The following LARGE1 variants were observed in gnomAD, a reference collection of about 807,000 sequenced individuals.
The protein encoded by LARGE1 is xylosyl- and glucuronyltransferase LARGE1.
LARGE1 carries 43 observed loss-of-function variants against 87.6 expected under a neutral mutation model. That is an observed-to-expected ratio of 0.49 (90% confidence interval 0.38 to 0.63). The LOEUF (loss-of-function observed/expected upper bound fraction) is 0.63, where lower values mean the gene tolerates loss of function less well. Among genes scored for constraint, LARGE1 ranks in the 30% least tolerant of loss-of-function variants. The probability of loss-of-function intolerance (pLI) is 0.00; values close to 1 mark genes in which losing one functional copy is unlikely to be tolerated. For missense variants in LARGE1, 802 were observed against 1,000.2 expected, an observed-to-expected ratio of 0.80 and a Z score of 2.67; for synonymous variants, 434 against 394.6, an observed-to-expected ratio of 1.10 and a Z score of -1.18.
At chr22:33,653,089 T>C (rs555316599) in intron 2 of LARGE1, among the ~76,000 whole-genome samples, 4 of 152,286 alleles carry the variant, frequency 2.6e-5, no homozygotes, top group South Asian at 2.1e-4. Context: ...CTATTAATAA[T>C]TGCGTTTTCT....
chr22:33,831,398 T>C (rs1485959067), intron 1 of LARGE1, among the ~76,000 whole-genome samples: 1 of 152,142 alleles, frequency 6.6e-6, no homozygotes, highest in Non-Finnish European at 1.5e-5. Context: ...TCCAGAACAC[T>C]CTGAAGACAG....
At position 33,902,681 on chromosome 22, in the gene LARGE1, AG is replaced by A. The variant is rs1164922246; in HGVS notation, c.-83+17313del. Among the ~76,000 whole-genome samples the A allele has an allele frequency of 2.6e-5, 4 of 152,218 alleles. No individual in the cohort carries two copies. The East Asian group carries it at 7.7e-4, about 29-fold the overall frequency. On this transcript the variant is annotated intron_variant, in intron 1 of 14. Transcript: ENST00000397394. ...CTGTTACTAATTTGTGTTTCAAACA[AG>A]ATATGTACATGTTTTTCAAAATACA...
intron 1 of LARGE1, among the ~76,000 whole-genome samples, chr22:33,784,968 C>CATAT (rs1036283409): frequency 1.3e-5 from 2 of 150,284 alleles, no homozygotes; most frequent in African/African-American, 2.4e-5. Flanking sequence ...TGGGTATATA[C>CATAT]ATGTGTATAC....
intron 2 of LARGE1, among the ~76,000 whole-genome samples, chr22:33,757,591 A>T (rs1283703315): frequency 1.3e-5 from 2 of 152,126 alleles, no homozygotes; most frequent in South Asian, 2.1e-4. Flanking sequence ...CCAAAACCCT[A>T]TGCTGAGAGC....
chr22:33,313,894 T>C (rs1935870580), intron 11 of LARGE1, among the ~76,000 whole-genome samples: 1 of 152,178 alleles, frequency 6.6e-6, no homozygotes, highest in Non-Finnish European at 1.5e-5. Flanking sequence ...AACAAAGGTG[T>C]ACTTTTTAAG....
intron 1 of LARGE1, among the ~76,000 whole-genome samples, chr22:33,766,424 G>T (rs1452764487): frequency 6.6e-6 from 1 of 152,098 alleles, no homozygotes; most frequent in East Asian, 1.9e-4. Flanking sequence ...AAATCACCAT[G>T]ATCTGTTTGT....
chr22:33,111,148 A>T, the LARGE1 span, among the ~76,000 whole-genome samples: 1 of 152,126 alleles, frequency 6.6e-6, no homozygotes, highest in Non-Finnish European at 1.5e-5. Flanking sequence ...GTTATTATCA[A>T]ACCTCCCTAA....
At chr22:33,536,697 C>G (rs981252345) in intron 6 of LARGE1, among the ~76,000 whole-genome samples, 53 of 152,198 alleles carry the variant, frequency 3.5e-4, no homozygotes, top group African/African-American at 1.3e-3. Context: ...GGAGGTTTAC[C>G]CGATGAGGCT....
chr22:33,553,213 T>C (rs1484466534), intron 6 of LARGE1, among the ~76,000 whole-genome samples: 2 of 152,106 alleles, frequency 1.3e-5, no homozygotes, highest in Non-Finnish European at 2.9e-5. Flanking sequence ...GTGATTACAA[T>C]AAAATGACTC....
At chr22:33,574,150 T>C (rs1007956003) in intron 5 of LARGE1, among the ~76,000 whole-genome samples, 3 of 152,194 alleles carry the variant, frequency 2.0e-5, no homozygotes, top group Admixed American at 2.0e-4. Context: ...CTACCACATC[T>C]GTAATTATAG....
intron 9 of LARGE1, among the ~76,000 whole-genome samples, chr22:33,361,516 T>C (rs970258505): frequency 6.7e-6 from 1 of 149,622 alleles, no homozygotes; most frequent in East Asian, 1.9e-4. Context: ...TCTGGAGATA[T>C]GAGCAGGGGA....
At chr22:33,136,922 C>G in the LARGE1 span, among the ~76,000 whole-genome samples, 2 of 135,366 alleles carry the variant, frequency 1.5e-5, no homozygotes, top group African/African-American at 5.3e-5. Context: ...ATTAGAACCA[C>G]AAATATTAAG....
intron 11 of LARGE1, among the ~76,000 whole-genome samples, chr22:33,190,837 T>C (rs1923737271): frequency 6.6e-6 from 1 of 152,224 alleles, no homozygotes; most frequent in Non-Finnish European, 1.5e-5. Context: ...CATTTCTCCC[T>C]TCACTGCTAC....
chr22:33,810,782 G>A (rs1462007704), intron 1 of LARGE1, among the ~76,000 whole-genome samples: 1 of 151,140 alleles, frequency 6.6e-6, no homozygotes, highest in East Asian at 2.0e-4. Context: ...GGACTGCAAT[G>A]GTGCGATCTT....
At chr22:33,402,744 C>G (rs1184877253) in intron 7 of LARGE1, among the ~76,000 whole-genome samples, 4 of 152,110 alleles carry the variant, frequency 2.6e-5, no homozygotes, top group Non-Finnish European at 2.9e-5. Flanking sequence ...ATATTTTTAA[C>G]CAAACTAGTT....
intron 11 of LARGE1, among the ~76,000 whole-genome samples, chr22:33,247,840 G>T (rs113096415): frequency 0.01 from 1,576 of 152,296 alleles, 26 homozygotes; most frequent in African/African-American, 0.035. Flanking sequence ...TGCCTTGCCT[G>T]AAACAGATGC....
intron 6 of LARGE1, among the ~76,000 whole-genome samples, chr22:33,521,555 G>C (rs2071595658): frequency 6.6e-6 from 1 of 152,134 alleles, no homozygotes; most frequent in Admixed American, 6.5e-5. Flanking sequence ...CCATTACATT[G>C]GTCAAAACAA....
At position 33,627,715 on chromosome 22, in the gene LARGE1, T is replaced by C. The variant is rs529486057; in HGVS notation, c.409-1389A>G. On this transcript the variant is annotated intron_variant, in intron 3 of 14. Coordinates refer to ENST00000397394, the MANE Select transcript of LARGE1 (RefSeq NM_133642.5). ...GCACGGGAGGCTCGGCCATCAGGGATGAACCATCCCACACCCTCCAATCCA... is the reference window on the plus strand; with the variant it reads ...GCACGGGAGGCTCGGCCATCAGGGACGAACCATCCCACACCCTCCAATCCA... 7.2e-5 allele frequency among the ~76,000 whole-genome samples: 11 copies of C among 152,266 alleles called. No individual in the cohort carries two copies. In the South Asian group the frequency reaches 1.5e-3, roughly 20 times the overall value.
intron 7 of LARGE1, among the ~76,000 whole-genome samples, chr22:33,419,445 C>T (rs544636870): frequency 3.3e-5 from 5 of 152,052 alleles, no homozygotes; most frequent in Middle Eastern, 3.4e-3. Context: ...CCCAAGTACA[C>T]GCCTGCTTGG....
Sources: allele counts gnomAD v4.1 joint callset (sites outside exome capture counted in the v4.1 genomes callset), GRCh38; gene constraint gnomAD v4.1.1; transcripts MANE v1.5; gene names NCBI Gene and HGNC (gene_info 2026-07-23, HGNC 2026-07-21).